Variants in PLCZ1 observed in about 807,000 individuals in gnomAD.
PLCZ1 encodes the protein phospholipase C zeta 1.
PLCZ1 carries 64 observed loss-of-function variants against 76.8 expected under a neutral mutation model. The ratio of observed to expected loss-of-function variants is 0.83; its 90% CI spans 0.68 to 1.03. The LOEUF is 1.03. PLCZ1 is among the 50% of genes least tolerant of loss of function. PLCZ1 has a pLI of 0.00. For synonymous variants in PLCZ1, 248 were observed against 230.8 expected, an observed-to-expected ratio of 1.07 and a Z score of -0.68; for missense variants, 751 against 713.7, an observed-to-expected ratio of 1.05 and a Z score of -0.60.
chr12:18,676,663 T>G, the PLCZ1 span, among the ~76,000 whole-genome samples: 1 of 152,168 alleles, frequency 6.6e-6, no homozygotes, highest in South Asian at 2.1e-4. Flanking sequence ...AGCAGGACTA[T>G]AGTATAAGCA....
the PLCZ1 span, among the ~76,000 whole-genome samples, chr12:18,655,892 G>A: frequency 3.3e-5 from 5 of 152,180 alleles, no homozygotes; most frequent in South Asian, 2.1e-4. Flanking sequence ...AGCTTCAGGA[G>A]ACATGACTAC....
chr12:18,736,713 C>T (rs900676495), intron 2 of PLCZ1: 16 of 1,284,392 alleles, frequency 1.2e-5, no homozygotes, highest in Non-Finnish European at 1.6e-5. Flanking sequence ...TGTTTTAGTT[C>T]TCTCTTCCAG....
the PLCZ1 span, among the ~76,000 whole-genome samples, chr12:18,660,788 T>A: frequency 6.6e-6 from 1 of 152,124 alleles, no homozygotes; most frequent in Non-Finnish European, 1.5e-5. Flanking sequence ...CAGGAAAGTA[T>A]GTCTCATTCA....
At chr12:18,689,245 G>A (rs1953684448) in intron 12 of PLCZ1, among the ~76,000 whole-genome samples, 1 of 152,006 alleles carries the variant, frequency 6.6e-6, no homozygotes, top group Non-Finnish European at 1.5e-5. Flanking sequence ...CCAAAATGGA[G>A]TAGGTTCAGC....
chr12:18,731,263 AAAGATACTGTCTCCT>A (rs1437013370), intron 3 of PLCZ1: 38 of 152,122 alleles, frequency 2.5e-4, no homozygotes, highest in Middle Eastern at 3.4e-3. Flanking sequence ...CAGCTTTCGT[AAAGATACTGTCTCCT>A]TCCAGAGGAA....
intron 4 of PLCZ1, among the ~76,000 whole-genome samples, chr12:18,722,814 T>C (rs1160953173): frequency 6.6e-6 from 1 of 152,088 alleles, no homozygotes; most frequent in East Asian, 1.9e-4. Context: ...CGAAATGTTG[T>C]AGATAATTAT....
At chr12:18,692,709 T>C in intron 12 of PLCZ1, 1 of 779,376 alleles carries the variant, frequency 1.3e-6, no homozygotes. Flanking sequence ...AATACAGACT[T>C]TGAATCATCA....
Position 18,701,566 on chromosome 12 carries a change from CTCCTAAAACAGAT to C in PLCZ1, c.950-11_951del. 6.2e-7 allele frequency: 1 copy of C among 1,613,826 alleles called. No homozygotes were observed. The highest frequency in any genetic ancestry group is 8.5e-7 in the Non-Finnish European group (1 of 1,179,964). On this transcript the variant is annotated splice_acceptor_variant and splice_polypyrimidine_tract_variant and coding_sequence_variant and intron_variant, in exon 9 of 15. Coordinates refer to ENST00000266505, the MANE Select transcript of PLCZ1 (RefSeq NM_033123.4). LOFTEE classifies it high-confidence loss of function. ...ACCCCTGTTTCCTTGTCTTGATTGT[CTCCTAAAACAGAT>C]TCCAATACTTCTGATTCTTTGAATT...
the PLCZ1 span, among the ~76,000 whole-genome samples, chr12:18,645,744 C>A: frequency 6.6e-6 from 1 of 152,252 alleles, no homozygotes; most frequent in East Asian, 1.9e-4. Context: ...GGATTATTAT[C>A]ATCATTATAC....
intron 12 of PLCZ1, among the ~76,000 whole-genome samples, chr12:18,690,205 T>C (rs887037160): frequency 6.6e-6 from 1 of 151,464 alleles, no homozygotes; most frequent in African/African-American, 2.4e-5. Flanking sequence ...AAAACACATC[T>C]GTTTTTTGTT....
the PLCZ1 span, among the ~76,000 whole-genome samples, chr12:18,664,083 A>G: frequency 1.5e-4 from 23 of 152,208 alleles, no homozygotes; most frequent in African/African-American, 5.5e-4. Context: ...ACTATCAAAA[A>G]CCAAACCAGA....
chr12:18,670,289 T>C, the PLCZ1 span, among the ~76,000 whole-genome samples: 2 of 151,602 alleles, frequency 1.3e-5, no homozygotes, highest in African/African-American at 2.4e-5. Context: ...ATTACACACA[T>C]ATGCGCACAC....
chr12:18,708,970 T>C (rs1394299141), intron 6 of PLCZ1, among the ~76,000 whole-genome samples: 1 of 152,116 alleles, frequency 6.6e-6, no homozygotes, highest in Non-Finnish European at 1.5e-5. Context: ...TGCCCTTTGA[T>C]TTTGTTGGTT....
At chr12:18,712,802 C>A in intron 6 of PLCZ1, 40 bp downstream of exon 6, 1 of 1,601,586 alleles carries the variant, frequency 6.2e-7, no homozygotes, top group East Asian at 2.2e-5. Context: ...AGAATTGCTT[C>A]TGTTTAAATA....
chr12:18,645,782 G>T, the PLCZ1 span, among the ~76,000 whole-genome samples: 484 of 152,216 alleles, frequency 3.2e-3, 5 homozygotes, highest in African/African-American at 0.011. Flanking sequence ...GTTGACAACA[G>T]ATTCATGAAA....
the PLCZ1 span, among the ~76,000 whole-genome samples, chr12:18,665,441 T>A: frequency 2.0e-5 from 3 of 152,194 alleles, no homozygotes; most frequent in African/African-American, 7.2e-5. Context: ...ATTGGTAATG[T>A]ATTTTAGGTT....
At position 18,684,295 on chromosome 12, in the gene PLCZ1, A is replaced by G. The variant is rs2137043272; in HGVS notation, c.1592-16T>C. On this transcript the variant is annotated splice_polypyrimidine_tract_variant and intron_variant, in intron 13 of 14. Coordinates refer to ENST00000266505, the MANE Select transcript of PLCZ1 (RefSeq NM_033123.4). Reference sequence around the variant, plus strand: ...GGACTAAAAGCTGAAATATAAAAAAAGAAGATACAAAGAATAATAGATACC... The same window carrying G: ...GGACTAAAAGCTGAAATATAAAAAAGGAAGATACAAAGAATAATAGATACC... 6.3e-7 allele frequency: 1 copy of G among 1,588,982 alleles called. No homozygotes were observed. Among genetic ancestry groups the G allele is most frequent in the Non-Finnish European group, 8.6e-7 (1 of 1,160,452 alleles).
chr12:18,690,639 AC>A (rs1161947594), intron 12 of PLCZ1, among the ~76,000 whole-genome samples: 3 of 152,190 alleles, frequency 2.0e-5, no homozygotes, highest in Non-Finnish European at 4.4e-5. Context: ...AGAGGGTGTT[AC>A]GGAAAACAGC....
In PLCZ1 at chr12:18,699,921, T is replaced by C; in HGVS notation, c.1047A>G (p.Leu349=). The C allele has an allele frequency of 1.2e-6, 2 of 1,611,870 alleles. No homozygotes were observed. The highest frequency in any genetic ancestry group is 8.5e-7 in the Non-Finnish European group (1 of 1,179,182). Residue 349 remains leucine, a synonymous_variant, in exon 10 of 15, where the codon TTA becomes TTG. Coordinates refer to ENST00000266505, the MANE Select transcript of PLCZ1 (RefSeq NM_033123.4). ...KTRKLKIALA[L]SDLVIYTKAE... ...CTTTCGTATAAATGACAAGATCAGA[T>C]AAGGCCAGAGCAATTTTTAGCTTCC...
Sources: gnomAD v4.1 joint callset for allele counts (sites outside exome capture counted in the v4.1 genomes callset) on GRCh38, gnomAD v4.1.1 for gene constraint, MANE v1.5 for transcripts, NCBI Gene and HGNC (gene_info 2026-07-23, HGNC 2026-07-21) for gene names.